Variants in TNFSF4 observed in about 807,000 individuals in gnomAD.
The protein encoded by TNFSF4 is tumor necrosis factor ligand superfamily member 4.
TNFSF4 carries 4 observed loss-of-function variants against 7.3 expected under a neutral mutation model. The observed-to-expected ratio is 0.55, with a 90% CI of 0.27 to 1.25. The LOEUF (loss-of-function observed/expected upper bound fraction) is 1.25, where lower values mean the gene tolerates loss of function less well. TNFSF4 is among the 50% of genes most tolerant of loss of function. The pLI is 0.12. For synonymous variants in TNFSF4, 76 were observed against 83.7 expected (o/e 0.91, Z 0.50); for missense variants, 181 against 208.8 (o/e 0.87, Z 0.82).
intron 1 of TNFSF4, among the ~76,000 whole-genome samples, chr1:173,191,407 T>C (rs1649470398): frequency 6.6e-6 from 1 of 152,190 alleles, no homozygotes; most frequent in Non-Finnish European, 1.5e-5. Flanking sequence ...TGTTGTGAAG[T>C]AGAAAAAGAT....
the TNFSF4 span, among the ~76,000 whole-genome samples, chr1:173,391,452 A>G: frequency 1.5e-5 from 2 of 136,168 alleles, no homozygotes; most frequent in Non-Finnish European, 3.2e-5. Flanking sequence ...AAAAAAAAAA[A>G]AAAAAAAAAA....
At chr1:173,445,500 G>A in the TNFSF4 span, among the ~76,000 whole-genome samples, 6 of 152,262 alleles carry the variant, frequency 3.9e-5, no homozygotes, top group African/African-American at 1.4e-4. Flanking sequence ...CAGAGCCAGG[G>A]TGAAAAGTAG....
chr1:173,382,620 G>A, the TNFSF4 span, among the ~76,000 whole-genome samples: 1 of 152,164 alleles, frequency 6.6e-6, no homozygotes, highest in Non-Finnish European at 1.5e-5. Flanking sequence ...GGTGATTCCA[G>A]TGTGCAGCTA....
upstream of TNFSF4, among the ~76,000 whole-genome samples, chr1:173,211,781 A>T (rs1298584603): frequency 6.6e-6 from 1 of 152,188 alleles, no homozygotes; most frequent in East Asian, 1.9e-4. Context: ...CATTGAGTAG[A>T]TTGTTGATAG....
chr1:173,392,365 C>A, the TNFSF4 span, among the ~76,000 whole-genome samples: 2 of 152,088 alleles, frequency 1.3e-5, no homozygotes, highest in African/African-American at 4.8e-5. Flanking sequence ...GAAAGAAACC[C>A]AGAAAACAAA....
the TNFSF4 span, among the ~76,000 whole-genome samples, chr1:173,216,545 C>T: frequency 6.6e-6 from 1 of 152,134 alleles, no homozygotes; most frequent in African/African-American, 2.4e-5. Context: ...CATAAAGAAC[C>T]AAATGAATGG....
At chr1:173,424,220 A>G in the TNFSF4 span, among the ~76,000 whole-genome samples, 1 of 152,236 alleles carries the variant, frequency 6.6e-6, no homozygotes, top group Non-Finnish European at 1.5e-5. Context: ...GCAATTCTAG[A>G]CAAAGTATTT....
chr1:173,385,355 G>GA, the TNFSF4 span, among the ~76,000 whole-genome samples: 1 of 152,058 alleles, frequency 6.6e-6, no homozygotes, highest in Non-Finnish European at 1.5e-5. Flanking sequence ...ACAGAGAAAA[G>GA]AAAAAACTAT....
At chr1:173,448,949 C>T in the TNFSF4 span, among the ~76,000 whole-genome samples, 44 of 152,064 alleles carry the variant, frequency 2.9e-4, no homozygotes, top group Non-Finnish European at 5.9e-4. Context: ...GGAAACCAAC[C>T]GATAAAGTTT....
At chr1:173,308,285 C>CTGTGTGTGTGTG in the TNFSF4 span, among the ~76,000 whole-genome samples, 1 of 135,058 alleles carries the variant, frequency 7.4e-6, no homozygotes, top group Non-Finnish European at 1.6e-5. Flanking sequence ...CTCTCTCTCT[C>CTGTGTGTGTGTG]TGTGTGTGTG....
At chr1:173,395,411 T>C in the TNFSF4 span, among the ~76,000 whole-genome samples, 2 of 110,220 alleles carry the variant, frequency 1.8e-5, 1 homozygote, top group Non-Finnish European at 3.9e-5. Context: ...TATATATATA[T>C]ATATATATGG....
the TNFSF4 span, among the ~76,000 whole-genome samples, chr1:173,326,592 C>A: frequency 6.6e-6 from 1 of 151,944 alleles, no homozygotes; most frequent in Non-Finnish European, 1.5e-5. Flanking sequence ...TGTTTGCAGA[C>A]GACATGATTG....
the TNFSF4 span, among the ~76,000 whole-genome samples, chr1:173,272,588 T>C: frequency 6.6e-6 from 1 of 152,172 alleles, no homozygotes; most frequent in Admixed American, 6.5e-5. Flanking sequence ...AAGGACTCTC[T>C]AGTGAAGCTT....
At chr1:173,394,943 T>TAGAC in the TNFSF4 span, among the ~76,000 whole-genome samples, 71 of 149,794 alleles carry the variant, frequency 4.7e-4, no homozygotes, top group East Asian at 3.1e-3. Flanking sequence ...GATAGATAGA[T>TAGAC]AGACAGACAG....
the TNFSF4 span, among the ~76,000 whole-genome samples, chr1:173,225,971 TCTCA>T: frequency 1.3e-5 from 2 of 152,208 alleles, no homozygotes; most frequent in African/African-American, 2.4e-5. Context: ...CCTAGTAAAC[TCTCA>T]CTGTGTTTTA....
chr1:173,212,443 T>G, the TNFSF4 span, among the ~76,000 whole-genome samples: 1 of 152,154 alleles, frequency 6.6e-6, no homozygotes, highest in Non-Finnish European at 1.5e-5. Context: ...ATAGGAAGCC[T>G]CACCCGGATT....
At chr1:173,205,184 A>T in intron 1 of TNFSF4, 1 of 1,162,528 alleles carries the variant, frequency 8.6e-7, no homozygotes. Context: ...GAGCAAAAAA[A>T]AGAAATCTAT....
Position 173,185,034 on chromosome 1 carries a change from C to T in TNFSF4, c.*1482G>A, listed in dbSNP as rs1455965317. 2 of 152,166 alleles carry T rather than the reference C, an allele frequency of 1.3e-5. No homozygotes were observed. Among genetic ancestry groups the T allele is most frequent in the Non-Finnish European group, 2.9e-5 (2 of 68,030 alleles). The allele number at this position is 152,166 out of a possible 1,614,324, so 9.4% of individuals were successfully genotyped here. On this transcript the variant is annotated 3_prime_UTR_variant, in exon 3 of 3. Transcript: ENST00000281834. Reference sequence around the variant, plus strand: ...TAGAAAACAGGAAAAAAAAATCCAACTGAGACCATTTAGTGTAAGGGCGAA... The same window carrying T: ...TAGAAAACAGGAAAAAAAAATCCAATTGAGACCATTTAGTGTAAGGGCGAA...
In TNFSF4 at chr1:173,185,355, T is replaced by G. The variant is rs1649176973; in HGVS notation, c.*1161A>C. On this transcript the variant is annotated 3_prime_UTR_variant, in exon 3 of 3. Transcript: ENST00000281834. ...GACATTTCAACTAAACATAAGGGGA[T>G]ACTATTCCATTGAAGCCCTGGCATA... 6.6e-6 allele frequency: 1 copy of G among 152,214 alleles called. No homozygotes were observed. Among genetic ancestry groups the G allele is most frequent in the South Asian group, 2.1e-4 (1 of 4,828 alleles). 9.4% of individuals were successfully genotyped at this position (152,214 alleles called of 1,614,324 possible). A position where few individuals can be genotyped will look rare whatever the true frequency, so the allele number is the denominator to read the frequency against.
Sources: allele counts gnomAD v4.1 joint callset (sites outside exome capture counted in the v4.1 genomes callset), GRCh38; gene constraint gnomAD v4.1.1; transcripts MANE v1.5; gene names NCBI Gene and HGNC (gene_info 2026-07-23, HGNC 2026-07-21).